Variants in TMEM248 observed in about 807,000 individuals in gnomAD.
TMEM248 encodes UPF0458 protein C7orf42.
Under a neutral mutation model 30.3 loss-of-function variants are expected in TMEM248, and 9 were observed. The ratio of observed to expected loss-of-function variants is 0.30; its 90% CI spans 0.18 to 0.52. TMEM248 has a LOEUF of 0.52. TMEM248 is among the 20% of genes least tolerant of loss of function. The probability of loss-of-function intolerance (pLI) is 0.97; values close to 1 mark genes in which losing one functional copy is unlikely to be tolerated. For missense variants in TMEM248, 338 were observed against 403.3 expected, an observed-to-expected ratio of 0.84 and a Z score of 1.39; for synonymous variants, 184 against 154.4, an observed-to-expected ratio of 1.19 and a Z score of -1.42.
At chr7:66,947,016 C>T (rs1018090958) in intron 3 of TMEM248, among the ~76,000 whole-genome samples, 1 of 151,916 alleles carries the variant, frequency 6.6e-6, no homozygotes, top group South Asian at 2.1e-4. Flanking sequence ...GTGTTGAAGC[C>T]CAGCCTGGGC....
At chr7:66,950,435 C>G (rs915378778) in intron 4 of TMEM248, among the ~76,000 whole-genome samples, 3 of 152,128 alleles carry the variant, frequency 2.0e-5, no homozygotes, top group Non-Finnish European at 4.4e-5. Context: ...TGGCACTTCT[C>G]TTTGCTGCCG....
At chr7:66,933,563 C>A (rs760840411) in intron 1 of TMEM248, among the ~76,000 whole-genome samples, 9 of 152,092 alleles carry the variant, frequency 5.9e-5, no homozygotes, top group Admixed American at 5.2e-4. Context: ...TATGTATAGC[C>A]AAGTTGGTTT....
Position 66,951,036 on chromosome 7 carries a change from A to G in TMEM248, c.681A>G (p.Thr227=). 2 of 1,613,342 alleles carry G rather than the reference A, an allele frequency of 1.2e-6. No homozygotes were observed. Among genetic ancestry groups the G allele is most frequent in the Non-Finnish European group, 1.7e-6 (2 of 1,179,834 alleles). The part of the protein sequence containing the change: ...KIFTTARDAN[T]KYAQDYNPFW... ...TCACAACTGCCAGAGATGCCAACAC[A>G]AAATACGCCCAAGATTACAATCCTT... Residue 227 remains threonine (T), a synonymous_variant, in exon 5 of 7, where the codon ACA becomes ACG. Transcript: ENST00000341567.
intron 1 of TMEM248, among the ~76,000 whole-genome samples, chr7:66,933,946 C>A (rs1791734602): frequency 6.6e-6 from 1 of 151,524 alleles, no homozygotes; most frequent in African/African-American, 2.4e-5. Context: ...AAATAGTGTG[C>A]TTTCTTTTAT....
chr7:66,931,835 C>G, intron 1 of TMEM248, among the ~76,000 whole-genome samples: 1 of 116,198 alleles, frequency 8.6e-6, no homozygotes, highest in East Asian at 2.8e-4. Flanking sequence ...GGCAGAGTCT[C>G]GCTCTGTCAC....
At chr7:66,924,392 CTTATT>C (rs1008470855) in intron 1 of TMEM248, among the ~76,000 whole-genome samples, 4 of 152,070 alleles carry the variant, frequency 2.6e-5, no homozygotes, top group Admixed American at 6.6e-5. Context: ...AGCCTTAGCC[CTTATT>C]TTATTTTATT....
At chr7:66,936,738 G>A (rs1479540694) in intron 1 of TMEM248, among the ~76,000 whole-genome samples, 1 of 152,142 alleles carries the variant, frequency 6.6e-6, no homozygotes, top group Non-Finnish European at 1.5e-5. Context: ...TTTCCAGCCG[G>A]TGTGCAGTTG....
intron 5 of TMEM248, among the ~76,000 whole-genome samples, chr7:66,952,832 G>A (rs893664510): frequency 3.9e-5 from 6 of 152,190 alleles, no homozygotes; most frequent in Non-Finnish European, 8.8e-5. Flanking sequence ...ATGCAGCCTC[G>A]GCTGTCAGCC....
chr7:66,937,918 G>T (rs1791846825), intron 1 of TMEM248, among the ~76,000 whole-genome samples: 2 of 152,076 alleles, frequency 1.3e-5, no homozygotes, highest in African/African-American at 4.8e-5. Context: ...CTCTACTAAA[G>T]AAACTGACTG....
chr7:66,948,823 G>T, intron 4 of TMEM248, 129 bp downstream of exon 4: 2 of 986,372 alleles, frequency 2.0e-6, no homozygotes, highest in South Asian at 1.8e-5. Flanking sequence ...ATCTCTACTC[G>T]GACCTATCTA....
chr7:66,935,813 G>A (rs1370873253), intron 1 of TMEM248, among the ~76,000 whole-genome samples: 2 of 152,136 alleles, frequency 1.3e-5, no homozygotes, highest in Non-Finnish European at 2.9e-5. Context: ...CAAAGTGCTG[G>A]GATTACAGGC....
intron 1 of TMEM248, among the ~76,000 whole-genome samples, chr7:66,925,562 CT>C (rs1791500911): frequency 6.6e-6 from 1 of 152,100 alleles, no homozygotes; most frequent in Admixed American, 6.6e-5. Context: ...ACGTTCATCG[CT>C]TCTGTCCATG....
At chr7:66,940,122 T>G (rs1791910088) in intron 1 of TMEM248, among the ~76,000 whole-genome samples, 1 of 152,102 alleles carries the variant, frequency 6.6e-6, no homozygotes, top group African/African-American at 2.4e-5. Context: ...CCTGGCTAAT[T>G]TTTGTATTTG....
chr7:66,939,433 G>A (rs2129223282), intron 1 of TMEM248, among the ~76,000 whole-genome samples: 1 of 152,350 alleles, frequency 6.6e-6, no homozygotes, highest in Non-Finnish European at 1.5e-5. Flanking sequence ...GAAAAACAAT[G>A]TTGAGTGAAA....
intron 1 of TMEM248, chr7:66,922,277 A>G (rs1791405920): frequency 6.6e-6 from 1 of 152,194 alleles, no homozygotes; most frequent in South Asian, 2.1e-4. Flanking sequence ...ATGGGAAGAA[A>G]AACTCCGAGA....
At chr7:66,953,690 C>T (rs992142569) in intron 6 of TMEM248, among the ~76,000 whole-genome samples, 10 of 149,024 alleles carry the variant, frequency 6.7e-5, no homozygotes, top group Non-Finnish European at 1.2e-4. Flanking sequence ...CTGCAGCCTC[C>T]GCCTCCCAGG....
At chr7:66,938,861 A>T (rs1791872863) in intron 1 of TMEM248, among the ~76,000 whole-genome samples, 2 of 152,248 alleles carry the variant, frequency 1.3e-5, no homozygotes, top group East Asian at 3.8e-4. Flanking sequence ...AAGAAAACCC[A>T]GACTTGGATT....
At chr7:66,947,029 A>G (rs1441384819) in intron 3 of TMEM248, among the ~76,000 whole-genome samples, 1 of 152,094 alleles carries the variant, frequency 6.6e-6, no homozygotes, top group Non-Finnish European at 1.5e-5. Context: ...GCCTGGGCAC[A>G]TAGCAAACAC....
In TMEM248 at chr7:66,950,976, C is replaced by G. The variant is rs757594069; in HGVS notation, c.621C>G (p.Asp207Glu). ...GACAGCCACCGCACTGTGTTCCTGACACGTACAGCAACGCCACGCTCTGGT... is the reference window on the plus strand; with the variant it reads ...GACAGCCACCGCACTGTGTTCCTGAGACGTACAGCAACGCCACGCTCTGGT... ...VTVQPPHCVPDTYSNATLWYK... is the reference protein window; with the variant it reads ...VTVQPPHCVPETYSNATLWYK... The change falls in exon 5 of 7, where the codon GAC (aspartate) becomes GAG (glutamate). Residue 207 changes from aspartate (D) to glutamate (E), a missense_variant. Asp to Glu is a conservative substitution (Grantham distance 45). Coordinates refer to ENST00000341567, the MANE Select transcript of TMEM248 (RefSeq NM_017994.5). 2 of 1,603,628 alleles carry G rather than the reference C, an allele frequency of 1.2e-6. No homozygotes were observed. The highest frequency in any genetic ancestry group is 2.7e-5 in the African/African-American group (2 of 74,570).
Sources: gnomAD v4.1 joint callset for allele counts (sites outside exome capture counted in the v4.1 genomes callset) on GRCh38, gnomAD v4.1.1 for gene constraint, MANE v1.5 for transcripts, NCBI Gene and HGNC (gene_info 2026-07-23, HGNC 2026-07-21) for gene names.